Variants in CENPE observed in about 807,000 individuals in gnomAD.
CENPE encodes the protein centromere-associated protein E.
In CENPE, 145 loss-of-function variants were observed where a neutral mutation model predicts 336.1. The observed-to-expected ratio is 0.43, with a 90% CI of 0.38 to 0.50. CENPE has a LOEUF of 0.50. Among genes scored for constraint, CENPE ranks in the 20% least tolerant of loss-of-function variants. CENPE has a pLI of 0.00. For synonymous variants in CENPE, 1,013 were observed against 984.8 expected, an observed-to-expected ratio of 1.03 and a Z score of -0.54; for missense variants, 2,719 against 3,023.3, an observed-to-expected ratio of 0.90 and a Z score of 2.36.
intron 15 of CENPE, 137 bp downstream of exon 15, chr4:103,175,823 T>C (rs994584773): frequency 1.3e-5 from 7 of 526,840 alleles, no homozygotes; most frequent in African/African-American, 8.0e-5. Flanking sequence ...GGTTATAGAG[T>C]AGAAATGTAA....
intron 8 of CENPE, among the ~76,000 whole-genome samples, chr4:103,189,051 G>C (rs537733128): frequency 1.8e-4 from 28 of 152,236 alleles, no homozygotes; most frequent in Non-Finnish European, 3.7e-4. Flanking sequence ...AGAAGAAATG[G>C]ATAAATTGCT....
intron 48 of CENPE, 52 bp from the exon 49 acceptor site, chr4:103,106,368 A>C: frequency 7.2e-7 from 1 of 1,391,406 alleles, no homozygotes; most frequent in Non-Finnish European, 1.0e-6. Flanking sequence ...ATACACAAAA[A>C]CCAAGCACAG....
intron 34 of CENPE, 77 bp from the exon 35 acceptor site, chr4:103,141,985 T>C: frequency 1.1e-6 from 1 of 917,068 alleles, no homozygotes; most frequent in Non-Finnish European, 1.6e-6. Context: ...ATATATTTTC[T>C]TAGTAAAAAT....
At position 103,158,339 on chromosome 4, in the gene CENPE, C is replaced by G; in HGVS notation, c.2994G>C (p.Glu998Asp). ...SEEVSRNLHMEENTGETKDEF... is the reference protein window; with the variant it reads ...SEEVSRNLHMDENTGETKDEF... ...CATCTTTAGTTTCTCCTGTATTTTC[C>G]TCCATATGCAAATTCCTGGAAACTT... Residue 998 changes from glutamate to aspartate, a missense_variant, in exon 24 of 49, where the codon GAG becomes GAC. Physicochemically the swap from Glu to Asp is conservative, Grantham distance 45. Transcript: ENST00000265148. The G allele has an allele frequency of 6.2e-7, 1 of 1,608,512 alleles. No homozygotes were observed. Among genetic ancestry groups the G allele is most frequent in the African/African-American group, 1.3e-5 (1 of 74,744 alleles).
intron 13 of CENPE, among the ~76,000 whole-genome samples, chr4:103,177,960 C>A (rs1756019732): frequency 6.6e-6 from 1 of 151,746 alleles, no homozygotes. Flanking sequence ...GCTGTCCTTC[C>A]AAATCATTAA....
At chr4:103,120,936 A>G (rs1750571400) in intron 43 of CENPE, among the ~76,000 whole-genome samples, 1 of 152,134 alleles carries the variant, frequency 6.6e-6, no homozygotes, top group African/African-American at 2.4e-5. Flanking sequence ...GGGTTTCACC[A>G]CGTTGGCCAG....
At chr4:103,127,669 G>A (rs1482443640) in intron 42 of CENPE, among the ~76,000 whole-genome samples, 1 of 152,088 alleles carries the variant, frequency 6.6e-6, no homozygotes, top group Non-Finnish European at 1.5e-5. Flanking sequence ...TTATTATAAG[G>A]TACTTATATT....
chr4:103,118,691 G>A (rs920677276), intron 44 of CENPE, among the ~76,000 whole-genome samples: 1 of 152,112 alleles, frequency 6.6e-6, no homozygotes, highest in East Asian at 1.9e-4. Context: ...GATCTATTTT[G>A]AGTTAATTTT....
intron 46 of CENPE, among the ~76,000 whole-genome samples, chr4:103,112,323 G>GTATATATATATACACTTATATATAAGTA (rs1749524048): frequency 6.9e-6 from 1 of 145,036 alleles, no homozygotes; most frequent in Non-Finnish European, 1.5e-5. Flanking sequence ...ACTTATAAGT[G>GTATATATATATACACTTATATATAAGTA]TATATATATA....
At chr4:103,144,994 A>G in intron 32 of CENPE, 56 bp downstream of exon 32, 5 of 1,381,538 alleles carry the variant, frequency 3.6e-6, no homozygotes, top group Non-Finnish European at 4.8e-6. Context: ...CACCGTCATT[A>G]TCACCTTAAC....
chr4:103,119,979 C>T (rs372378587), intron 44 of CENPE, among the ~76,000 whole-genome samples, 169 bp downstream of exon 44: 1 of 151,890 alleles, frequency 6.6e-6, no homozygotes, highest in Admixed American at 6.6e-5. Flanking sequence ...TATGCTCCTA[C>T]ATTTCACTTC....
chr4:103,171,063 C>T (rs532689250), intron 16 of CENPE, among the ~76,000 whole-genome samples: 14 of 151,652 alleles, frequency 9.2e-5, no homozygotes, highest in Non-Finnish European at 1.6e-4. Context: ...AGAGAGACTG[C>T]AACACAATAA....
chr4:103,173,630 T>TTTGCAATATTTGCAG (rs1212496499), intron 16 of CENPE, among the ~76,000 whole-genome samples: 151 of 151,118 alleles, frequency 1.0e-3, no homozygotes, highest in Middle Eastern at 3.4e-3. Context: ...TTGCAAAATA[T>TTTGCAATATTTGCAG]ACATCTGACA....
intron 48 of CENPE, among the ~76,000 whole-genome samples, chr4:103,107,881 C>T: frequency 6.6e-6 from 1 of 152,166 alleles, no homozygotes; most frequent in Non-Finnish European, 1.5e-5. Context: ...TGTTCTCCTG[C>T]CATTGCTTAA....
chr4:103,155,328 T>G (rs1255739124), intron 24 of CENPE, among the ~76,000 whole-genome samples: 2 of 152,132 alleles, frequency 1.3e-5, no homozygotes, highest in African/African-American at 4.8e-5. Flanking sequence ...TCTTTTTTTT[T>G]AGACAGGGTC....
intron 16 of CENPE, among the ~76,000 whole-genome samples, chr4:103,165,059 A>G (rs1437388391): frequency 6.7e-6 from 1 of 148,648 alleles, no homozygotes; most frequent in Non-Finnish European, 1.5e-5. Flanking sequence ...TTATCTTAGT[A>G]CTGGTTCTTA....
chr4:103,186,219 C>T (rs989656545), intron 8 of CENPE, among the ~76,000 whole-genome samples: 3 of 152,204 alleles, frequency 2.0e-5, no homozygotes. Context: ...CCAAACACCC[C>T]ATGTACTTCT....
intron 16 of CENPE, among the ~76,000 whole-genome samples, chr4:103,168,950 C>T (rs1365055911): frequency 2.6e-5 from 4 of 152,122 alleles, no homozygotes; most frequent in Non-Finnish European, 4.4e-5. Flanking sequence ...CATGATGTCA[C>T]CAAAAGCACA....
intron 25 of CENPE, among the ~76,000 whole-genome samples, chr4:103,152,298 G>C (rs573444559): frequency 2.0e-5 from 3 of 152,234 alleles, no homozygotes; most frequent in African/African-American, 7.2e-5. Flanking sequence ...AGTCATTAGG[G>C]AAAGGCAAAT....
Sources: gnomAD v4.1 joint callset for allele counts (sites outside exome capture counted in the v4.1 genomes callset) on GRCh38, gnomAD v4.1.1 for gene constraint, MANE v1.5 for transcripts, NCBI Gene and HGNC (gene_info 2026-07-23, HGNC 2026-07-21) for gene names.